Variants in CDH23 observed in about 807,000 individuals in gnomAD.
CDH23 encodes the protein cadherin related 23.
Under a neutral mutation model 317.1 loss-of-function variants are expected in CDH23, and 189 were observed. That is an observed-to-expected ratio of 0.60 (90% CI 0.53 to 0.67). CDH23 has a LOEUF of 0.67. CDH23 is among the 30% of genes least tolerant of loss of function. The pLI is 0.00. For missense variants in CDH23, 4,401 were observed against 4,592.4 expected (o/e 0.96, Z 1.20); for synonymous variants, 1,839 against 1,876.8 (o/e 0.98, Z 0.52).
intron 3 of CDH23, among the ~76,000 whole-genome samples, chr10:71,500,820 TCTTTCC>T (rs1293425349): frequency 1.4e-4 from 17 of 124,332 alleles, no homozygotes; most frequent in Non-Finnish European, 2.4e-4. Flanking sequence ...TTTTCTTTTC[TCTTTCC>T]TTTCCTTTCT....
intron 6 of CDH23, among the ~76,000 whole-genome samples, chr10:71,536,881 C>G (rs149869206): frequency 3.1e-4 from 47 of 152,248 alleles, no homozygotes; most frequent in African/African-American, 1.0e-3. Context: ...GATGCAAGTA[C>G]CTGAGCTGTG....
At chr10:71,626,565 G>C (rs886742762) in intron 11 of CDH23, among the ~76,000 whole-genome samples, 8 of 152,198 alleles carry the variant, frequency 5.3e-5, no homozygotes, top group African/African-American at 1.9e-4. Context: ...ACCCCAGAGA[G>C]TGGGTGCAGC....
In CDH23 at chr10:71,800,526, T is replaced by C. The variant is rs1841529097; in HGVS notation, c.7363-110T>C. 10 of 1,295,440 alleles carry C rather than the reference T, an allele frequency of 7.7e-6. No homozygotes were observed. The South Asian group carries it at 9.3e-5, about 12-fold the overall frequency. The allele number at this position is 1,295,440 out of a possible 1,614,324, so 80.2% of individuals were successfully genotyped here. On this transcript the variant is annotated intron_variant, in intron 52 of 69. Transcript: ENST00000224721. ...GCTGGGGGCAGAGGTTATTGTCTCT[T>C]TTGTTCAGTGTCAAATCTCCAGAGC...
At chr10:71,756,028 C>T (rs1205551704) in intron 38 of CDH23, among the ~76,000 whole-genome samples, 1 of 152,134 alleles carries the variant, frequency 6.6e-6, no homozygotes, top group African/African-American at 2.4e-5. Flanking sequence ...CTCCTTAGCT[C>T]TGGGATGGGG....
intron 3 of CDH23, among the ~76,000 whole-genome samples, chr10:71,450,365 C>T (rs1850376573): frequency 6.6e-6 from 1 of 151,062 alleles, no homozygotes; most frequent in Admixed American, 6.6e-5. Flanking sequence ...TCCCGGGTTC[C>T]AGTGATTCTC....
intron 9 of CDH23, among the ~76,000 whole-genome samples, chr10:71,593,059 C>T (rs1156505305): frequency 1.3e-5 from 2 of 152,190 alleles, no homozygotes; most frequent in Admixed American, 6.5e-5. Flanking sequence ...CCTAGGCAGC[C>T]GGTACAGGAG....
chr10:71,679,244 G>C (rs1274241519), intron 16 of CDH23, 143 bp from the exon 17 acceptor site: 1 of 656,934 alleles, frequency 1.5e-6, no homozygotes, highest in Non-Finnish European at 2.7e-6. Context: ...TGGCGTCCTG[G>C]GCCAGGACAA....
At chr10:71,728,922 C>G (rs1482975188) in intron 30 of CDH23, among the ~76,000 whole-genome samples, 1 of 152,174 alleles carries the variant, frequency 6.6e-6, no homozygotes, top group African/African-American at 2.4e-5. Flanking sequence ...TCTCAAACTC[C>G]TGGGCTCAAG....
At chr10:71,424,483 A>C (rs1220924509) in intron 1 of CDH23, among the ~76,000 whole-genome samples, 1 of 152,224 alleles carries the variant, frequency 6.6e-6, no homozygotes, top group African/African-American at 2.4e-5. Flanking sequence ...GAAAATGATC[A>C]ACTTGCTGTT....
At chr10:71,716,259 C>T (rs1439998328) in intron 28 of CDH23, 86 of 1,542,116 alleles carry the variant, frequency 5.6e-5, no homozygotes, top group African/African-American at 8.2e-5. Flanking sequence ...GCAAGGGTCC[C>T]GGGAGTGACG....
chr10:71,519,033 T>C (rs1462336804), intron 6 of CDH23, among the ~76,000 whole-genome samples: 1 of 152,196 alleles, frequency 6.6e-6, no homozygotes, highest in Non-Finnish European at 1.5e-5. Context: ...CCTGTAATTA[T>C]TATTTTGTTT....
intron 6 of CDH23, among the ~76,000 whole-genome samples, chr10:71,550,716 C>A (rs2132313215): frequency 6.6e-6 from 1 of 152,294 alleles, no homozygotes; most frequent in African/African-American, 2.4e-5. Flanking sequence ...TACTCTTTCC[C>A]CCACCGTCCC....
At chr10:71,730,690 C>T in intron 31 of CDH23, 86 bp downstream of exon 31, 1 of 1,558,044 alleles carries the variant, frequency 6.4e-7, no homozygotes, top group Non-Finnish European at 8.7e-7. Flanking sequence ...AAACGGTCAT[C>T]CCTGATGCTT....
chr10:71,767,683 G>T (rs1479571837), intron 38 of CDH23, among the ~76,000 whole-genome samples: 1 of 152,250 alleles, frequency 6.6e-6, no homozygotes, highest in Non-Finnish European at 1.5e-5. Context: ...GCGTCACAAG[G>T]CATAGGCTCA....
At chr10:71,435,407 T>C (rs1162012442) in intron 1 of CDH23, among the ~76,000 whole-genome samples, 1 of 152,258 alleles carries the variant, frequency 6.6e-6, no homozygotes, top group African/African-American at 2.4e-5. Context: ...CACAGCCGTA[T>C]GTTCTCATGG....
intron 11 of CDH23, among the ~76,000 whole-genome samples, chr10:71,638,845 C>T (rs1193249623): frequency 6.6e-6 from 1 of 152,200 alleles, no homozygotes; most frequent in Non-Finnish European, 1.5e-5. Flanking sequence ...GCTCATCTGA[C>T]CCTTCTCAAA....
rs905329026 is a variant in CDH23 at position 71,765,138 on chromosome 10, C to T, written c.4846-12542C>T. 7.2e-5 allele frequency among the ~76,000 whole-genome samples: 11 copies of T among 152,352 alleles called. No homozygotes were observed. In the East Asian group the frequency reaches 2.1e-3, roughly 29 times the overall value. On this transcript the variant is annotated intron_variant, in intron 38 of 69. Coordinates refer to ENST00000224721, the MANE Select transcript of CDH23 (RefSeq NM_022124.6). ...AAACCTGCCCCAAGGGGGCCCTGTGCTGCCCCCTTCCCCAGCAGGCCATGT... is the reference window on the plus strand; with the variant it reads ...AAACCTGCCCCAAGGGGGCCCTGTGTTGCCCCCTTCCCCAGCAGGCCATGT...
chr10:71,462,973 G>T (rs1006689176), intron 3 of CDH23, among the ~76,000 whole-genome samples: 4 of 152,206 alleles, frequency 2.6e-5, no homozygotes, highest in Admixed American at 2.6e-4. Flanking sequence ...TTGGCCTAAA[G>T]GCCAACTCAG....
At chr10:71,713,085 C>T (rs771949874) in intron 28 of CDH23, 1 of 758,172 alleles carries the variant, frequency 1.3e-6, no homozygotes, top group South Asian at 1.4e-5. Context: ...ATCTCCCGCC[C>T]CACCCAGAAG....
Sources: gnomAD v4.1 joint callset for allele counts (sites outside exome capture counted in the v4.1 genomes callset) on GRCh38, gnomAD v4.1.1 for gene constraint, MANE v1.5 for transcripts, NCBI Gene and HGNC (gene_info 2026-07-23, HGNC 2026-07-21) for gene names.